GALNTL6: variants seen among roughly 807,000 people sequenced by gnomAD.
GALNTL6 encodes polypeptide N-acetylgalactosaminyltransferase-like 6.
GALNTL6 carries 46 observed loss-of-function variants against 73.7 expected under a neutral mutation model. The ratio of observed to expected loss-of-function variants is 0.62; its 90% confidence interval spans 0.49 to 0.80. GALNTL6 has a LOEUF of 0.80. Among genes scored for constraint, GALNTL6 ranks in the 30% least tolerant of loss-of-function variants. GALNTL6 has a pLI of 0.00. For synonymous variants in GALNTL6, 259 were observed against 263.7 expected (o/e 0.98, Z 0.17); for missense variants, 604 against 755.0 (o/e 0.80, Z 2.34).
rs866937003 is a variant in GALNTL6, at chr4:171,868,006, A to T, written c.138+53288A>T. On this transcript the variant is annotated intron_variant, in intron 2 of 12. Transcript: ENST00000506823. ...TTGAGGTGCTTTTTTTTTTTTTTTGAGACACAGTGTCACTCTGTTGCCCAG... is the reference window on the plus strand; with the variant it reads ...TTGAGGTGCTTTTTTTTTTTTTTTGTGACACAGTGTCACTCTGTTGCCCAG... Among the ~76,000 whole-genome samples the T allele has an allele frequency of 1.3e-3, 118 of 90,814 alleles. 3 individuals carry two copies. Among genetic ancestry groups the T allele is most frequent in the African/African-American group, 4.1e-3 (108 of 26,278 alleles). 59.6% of individuals were successfully genotyped at this position (90,814 alleles called of 152,430 possible).
chr4:172,047,251 C>G (rs906417991), intron 2 of GALNTL6, among the ~76,000 whole-genome samples: 1 of 152,094 alleles, frequency 6.6e-6, no homozygotes, highest in Admixed American at 6.6e-5. Flanking sequence ...CCTAATTTTT[C>G]CATTCAGTTT....
At chr4:172,686,431 A>G (rs1170091126) in intron 5 of GALNTL6, among the ~76,000 whole-genome samples, 1 of 149,584 alleles carries the variant, frequency 6.7e-6, no homozygotes, top group Non-Finnish European at 1.5e-5. Flanking sequence ...TTTGTTATTC[A>G]ATACTAACCT....
intron 7 of GALNTL6, among the ~76,000 whole-genome samples, chr4:172,817,822 G>C (rs1001288165): frequency 1.3e-5 from 2 of 152,166 alleles, no homozygotes; most frequent in African/African-American, 4.8e-5. Flanking sequence ...TACCTCAAAA[G>C]ATAGTCGTTT....
intron 2 of GALNTL6, among the ~76,000 whole-genome samples, chr4:172,133,360 C>T (rs1257499215): frequency 6.6e-6 from 1 of 152,110 alleles, no homozygotes; most frequent in Non-Finnish European, 1.5e-5. Context: ...GTTGTTCCAT[C>T]TATGTAGAAA....
chr4:172,514,907 G>T (rs190578909), intron 5 of GALNTL6, among the ~76,000 whole-genome samples: 3 of 152,130 alleles, frequency 2.0e-5, no homozygotes, highest in Admixed American at 1.3e-4. Flanking sequence ...GTGTTCACTG[G>T]CAGACTTTCC....
chr4:172,579,783 GAGGAAGGAAGGAAGGAGGGAAGGA>G (rs1737100053), intron 5 of GALNTL6, among the ~76,000 whole-genome samples: 1 of 131,950 alleles, frequency 7.6e-6, no homozygotes, highest in East Asian at 2.6e-4. Flanking sequence ...GAGTTTAAAT[GAGGAAGGAAGGAAGGAGGGAAGGA>G]AGGAGGGAAG....
At chr4:172,845,074 T>C (rs971714803) in intron 7 of GALNTL6, among the ~76,000 whole-genome samples, 1 of 151,360 alleles carries the variant, frequency 6.6e-6, no homozygotes, top group African/African-American at 2.4e-5. Flanking sequence ...AAAAATTAGC[T>C]GGGCGTGGTG....
intron 2 of GALNTL6, among the ~76,000 whole-genome samples, chr4:171,888,588 G>A (rs1168503230): frequency 6.6e-6 from 1 of 151,940 alleles, no homozygotes; most frequent in East Asian, 1.9e-4. Context: ...CAGATGTAAA[G>A]GAAATACCAA....
intron 3 of GALNTL6, among the ~76,000 whole-genome samples, chr4:172,275,080 A>T (rs1738781223): frequency 6.6e-6 from 1 of 152,216 alleles, no homozygotes; most frequent in Non-Finnish European, 1.5e-5. Flanking sequence ...CAGATCTATT[A>T]AACTGAGGAA....
intron 4 of GALNTL6, among the ~76,000 whole-genome samples, chr4:172,347,810 A>G (rs1741800739): frequency 6.6e-6 from 1 of 152,198 alleles, no homozygotes; most frequent in African/African-American, 2.4e-5. Flanking sequence ...AAAATAATAA[A>G]TTATTAGGTT....
chr4:172,627,938 C>CAA (rs33949290), intron 5 of GALNTL6, among the ~76,000 whole-genome samples: 2,234 of 150,188 alleles, frequency 0.015, 47 homozygotes, highest in African/African-American at 0.049. Context: ...TTTATCCTTT[C>CAA]AAAAAAAAAA....
intron 2 of GALNTL6, among the ~76,000 whole-genome samples, chr4:172,015,923 ATTTTTTTTTTTTTTTTTTTTT>A (rs70941375): frequency 2.3e-5 from 1 of 44,052 alleles, no homozygotes; most frequent in Admixed American, 4.0e-4. Flanking sequence ...ATCTAATAGG[ATTTTTTTTTTTTTTTTTTTTT>A]TTTTTTTTTT....
intron 5 of GALNTL6, among the ~76,000 whole-genome samples, chr4:172,431,097 T>C (rs1295045786): frequency 1.3e-5 from 2 of 152,218 alleles, no homozygotes; most frequent in Non-Finnish European, 2.9e-5. Context: ...AATTTTGAAG[T>C]TGGCAAAATA....
intron 5 of GALNTL6, among the ~76,000 whole-genome samples, chr4:172,713,494 T>A (rs555151543): frequency 6.6e-6 from 1 of 152,172 alleles, no homozygotes; most frequent in East Asian, 1.9e-4. Context: ...CACCCACATA[T>A]AAAGGGAAAT....
At chr4:171,998,140 TAA>T (rs1227229955) in intron 2 of GALNTL6, among the ~76,000 whole-genome samples, 1 of 152,168 alleles carries the variant, frequency 6.6e-6, no homozygotes, top group East Asian at 1.9e-4. Context: ...TGAGCAATGC[TAA>T]GTTTTAGTAA....
chr4:172,247,135 A>G (rs879665630), intron 3 of GALNTL6, among the ~76,000 whole-genome samples: 2 of 152,088 alleles, frequency 1.3e-5, no homozygotes, highest in Admixed American at 6.6e-5. Context: ...AAGTCTTACC[A>G]TACTTCTGAG....
chr4:171,992,117 A>T (rs749146572), intron 2 of GALNTL6, among the ~76,000 whole-genome samples: 4 of 152,124 alleles, frequency 2.6e-5, no homozygotes, highest in South Asian at 4.1e-4. Flanking sequence ...CATGACTCAG[A>T]TATCTTTTCA....
chr4:172,568,648 C>T (rs958019607), intron 5 of GALNTL6, among the ~76,000 whole-genome samples: 8 of 146,202 alleles, frequency 5.5e-5, no homozygotes, highest in Non-Finnish European at 8.9e-5. Context: ...GTCCCAGCTA[C>T]TCGGGAGGCT....
At chr4:172,320,177 G>T (rs955603639) in intron 4 of GALNTL6, among the ~76,000 whole-genome samples, 1 of 152,098 alleles carries the variant, frequency 6.6e-6, no homozygotes, top group Non-Finnish European at 1.5e-5. Context: ...TCTACGTGGG[G>T]TATAGCATGC....
Sources: allele counts gnomAD v4.1 joint callset (sites outside exome capture counted in the v4.1 genomes callset), GRCh38; gene constraint gnomAD v4.1.1; transcripts MANE v1.5; gene names NCBI Gene and HGNC (gene_info 2026-07-23, HGNC 2026-07-21).